The following UNC5D variants were observed in gnomAD, a reference collection of about 807,000 sequenced individuals.
UNC5D encodes the protein netrin receptor UNC5D.
UNC5D carries 39 observed loss-of-function variants against 105.4 expected under a neutral mutation model. The observed-to-expected ratio is 0.37, with a 90% CI of 0.29 to 0.48. The LOEUF (loss-of-function observed/expected upper bound fraction) is 0.48. Among genes scored for constraint, UNC5D ranks in the 20% least tolerant of loss-of-function variants. UNC5D has a pLI of 0.98. For missense variants in UNC5D, 991 were observed against 1,202.4 expected (o/e 0.82, Z 2.60); for synonymous variants, 452 against 450.4 (o/e 1.00, Z -0.04).
intron 16 of UNC5D, among the ~76,000 whole-genome samples, 197 bp from the exon 17 acceptor site, chr8:35,790,162 G>A (rs1202862493): frequency 1.3e-5 from 2 of 152,084 alleles, no homozygotes; most frequent in Non-Finnish European, 2.9e-5. Context: ...AAGGTTATTG[G>A]TAACATTCCA....
At chr8:35,786,022 C>T (rs1802727067) in intron 16 of UNC5D, among the ~76,000 whole-genome samples, 1 of 152,140 alleles carries the variant, frequency 6.6e-6, no homozygotes, top group South Asian at 2.1e-4. Context: ...TACTGGCTGA[C>T]CCCTCCTCTA....
intron 1 of UNC5D, among the ~76,000 whole-genome samples, chr8:35,470,807 T>TAAATAAATAAAATA (rs1554538816): frequency 2.1e-4 from 27 of 130,518 alleles, no homozygotes; most frequent in African/African-American, 6.9e-4. Flanking sequence ...AATAAATAAA[T>TAAATAAATAAAATA]AAATAAAATA....
Position 35,684,629 on chromosome 8 carries a change from C to A in UNC5D, c.799C>A (p.Arg267Ser), listed in dbSNP as rs749642014. Residue 267 changes from arginine to serine, a missense_variant, in exon 6 of 17, where the codon CGC becomes AGC. Physicochemically the swap from Arg to Ser is moderately radical, Grantham distance 110. Transcript: ENST00000404895. Reference protein sequence around the residue: ...SWTEWSACNVRCGRGWQKRSR... With the variant: ...SWTEWSACNVSCGRGWQKRSR... Reference sequence around the variant, plus strand: ...GACAGAGTGGTCAGCCTGCAATGTTCGCTGTGGTAGAGGATGGCAGAAACG... The same window carrying A: ...GACAGAGTGGTCAGCCTGCAATGTTAGCTGTGGTAGAGGATGGCAGAAACG... 1 of 1,613,614 alleles carries A rather than the reference C, an allele frequency of 6.2e-7. No individual in the cohort carries two copies. Among genetic ancestry groups the A allele is most frequent in the Admixed American group, 1.7e-5 (1 of 60,008 alleles).
At chr8:35,239,848 A>G (rs188736288) in intron 1 of UNC5D, among the ~76,000 whole-genome samples, 4 of 152,168 alleles carry the variant, frequency 2.6e-5, no homozygotes, top group East Asian at 3.9e-4. Context: ...CACATATTCT[A>G]TGTAGAGACA....
At chr8:35,552,358 C>A (rs1816225427) in intron 2 of UNC5D, among the ~76,000 whole-genome samples, 1 of 152,180 alleles carries the variant, frequency 6.6e-6, no homozygotes, top group South Asian at 2.1e-4. Flanking sequence ...TCACCTTTGC[C>A]TATAGATTTC....
intron 3 of UNC5D, among the ~76,000 whole-genome samples, chr8:35,568,670 C>T (rs1225810223): frequency 6.6e-6 from 1 of 152,224 alleles, no homozygotes; most frequent in African/African-American, 2.4e-5. Flanking sequence ...ACCTGGGTGA[C>T]AGAACGAGAG....
intron 1 of UNC5D, among the ~76,000 whole-genome samples, chr8:35,329,759 C>T (rs1810467888): frequency 6.6e-6 from 1 of 152,154 alleles, no homozygotes. Flanking sequence ...TGGCTTCACC[C>T]CCTTCCTTGC....
At chr8:35,454,076 T>C (rs1388332508) in intron 1 of UNC5D, among the ~76,000 whole-genome samples, 2 of 152,144 alleles carry the variant, frequency 1.3e-5, no homozygotes, top group African/African-American at 4.8e-5. Context: ...GGAGTCCTGG[T>C]TTTGTGATCT....
intron 1 of UNC5D, among the ~76,000 whole-genome samples, chr8:35,242,814 A>T (rs2128802551): frequency 6.6e-6 from 1 of 152,242 alleles, no homozygotes; most frequent in South Asian, 2.1e-4. Context: ...TCAATATTGG[A>T]GAAGATTTGC....
intron 1 of UNC5D, among the ~76,000 whole-genome samples, chr8:35,480,911 T>C (rs1231134907): frequency 6.6e-6 from 1 of 152,122 alleles, no homozygotes; most frequent in East Asian, 1.9e-4. Flanking sequence ...GGATAAGAAG[T>C]TCATTTCTGG....
chr8:35,571,667 G>A (rs1389417815), intron 3 of UNC5D, among the ~76,000 whole-genome samples: 5 of 152,136 alleles, frequency 3.3e-5, no homozygotes, highest in African/African-American at 7.2e-5. Flanking sequence ...GAGATTTCTC[G>A]CTGCTATTTG....
At chr8:35,609,525 G>A (rs1034648821) in intron 4 of UNC5D, among the ~76,000 whole-genome samples, 11 of 152,176 alleles carry the variant, frequency 7.2e-5, no homozygotes, top group East Asian at 1.9e-4. Flanking sequence ...TTCCACAGTC[G>A]TGGTGTCCTT....
intron 11 of UNC5D, among the ~76,000 whole-genome samples, chr8:35,737,216 G>T (rs1829514039): frequency 6.6e-6 from 1 of 151,324 alleles, no homozygotes; most frequent in African/African-American, 2.4e-5. Flanking sequence ...GGGGAGTTTT[G>T]AGATAGACTT....
At chr8:35,657,833 A>G (rs182420322) in intron 4 of UNC5D, among the ~76,000 whole-genome samples, 5 of 152,320 alleles carry the variant, frequency 3.3e-5, no homozygotes, top group Admixed American at 1.3e-4. Flanking sequence ...AAATATCTAT[A>G]CATTTGACAT....
chr8:35,774,658 G>A (rs1032080982), intron 16 of UNC5D, among the ~76,000 whole-genome samples, 181 bp downstream of exon 16: 25 of 152,090 alleles, frequency 1.6e-4, no homozygotes, highest in African/African-American at 5.3e-4. Context: ...TAGGCCAAGC[G>A]TGGTGGCTCA....
intron 4 of UNC5D, among the ~76,000 whole-genome samples, chr8:35,636,147 A>C (rs1481269393): frequency 6.6e-6 from 1 of 152,198 alleles, no homozygotes; most frequent in African/African-American, 2.4e-5. Flanking sequence ...GTGATTATGC[A>C]GGAGGTACTG....
chr8:35,625,790 A>C (rs548113629), intron 4 of UNC5D, among the ~76,000 whole-genome samples: 1 of 152,322 alleles, frequency 6.6e-6, no homozygotes, highest in East Asian at 1.9e-4. Flanking sequence ...TACAAATACA[A>C]TAAGTGTGCT....
intron 1 of UNC5D, among the ~76,000 whole-genome samples, chr8:35,454,296 T>A (rs959291767): frequency 6.6e-6 from 1 of 152,080 alleles, no homozygotes; most frequent in Non-Finnish European, 1.5e-5. Flanking sequence ...AGTAGAGGTA[T>A]TTTTTTCACC....
intron 11 of UNC5D, 45 bp downstream of exon 11, chr8:35,731,141 G>A (rs1234804357): frequency 5.7e-6 from 9 of 1,576,722 alleles, no homozygotes; most frequent in African/African-American, 1.3e-5. Flanking sequence ...GCTCACGCCT[G>A]TAATCCCAGT....
Sources: allele counts gnomAD v4.1 joint callset (sites outside exome capture counted in the v4.1 genomes callset), GRCh38; gene constraint gnomAD v4.1.1; transcripts MANE v1.5; gene names NCBI Gene and HGNC (gene_info 2026-07-23, HGNC 2026-07-21).